The following FAM13A variants were observed in gnomAD, a reference collection of about 807,000 sequenced individuals.
The protein encoded by FAM13A is protein FAM13A.
In FAM13A, 76 loss-of-function variants were observed where a neutral mutation model predicts 129.6. That is an observed-to-expected ratio of 0.59 (90% CI 0.49 to 0.71). The LOEUF is 0.71. Ranked by LOEUF, FAM13A falls within the 30% of genes least tolerant of loss-of-function variation. The probability of loss-of-function intolerance (pLI) is 0.00; values close to 1 mark genes in which losing one functional copy is unlikely to be tolerated. For missense variants in FAM13A, 1,108 were observed against 1,249.3 expected, an observed-to-expected ratio of 0.89 and a Z score of 1.70; for synonymous variants, 443 against 449.9, an observed-to-expected ratio of 0.98 and a Z score of 0.20.
At chr4:89,052,793 G>A (rs1413184392) in intron 1 of FAM13A, among the ~76,000 whole-genome samples, 2 of 151,802 alleles carry the variant, frequency 1.3e-5, no homozygotes. Context: ...AAATCTTTAA[G>A]TTCTGCTTCC....
chr4:88,961,347 C>CTTTTTTTTTTTTT lies in FAM13A; in HGVS notation c.606-23119_606-23107dup, dbSNP rs773764813. ...AAATCCTCAGCTTTGTGGAATTTGC[C>CTTTTTTTTTTTTT]TTTTTTTTTTTTTTTTTTTTTTTTT... On this transcript the variant is annotated intron_variant, in intron 4 of 23. Coordinates refer to ENST00000264344, the MANE Select transcript of FAM13A (RefSeq NM_014883.4). Among the ~76,000 whole-genome samples the CTTTTTTTTTTTTT allele has an allele frequency of 7.2e-5, 4 of 55,424 alleles. 1 individual carries two copies. Among genetic ancestry groups the CTTTTTTTTTTTTT allele is most frequent in the Non-Finnish European group, 1.0e-4 (3 of 29,396 alleles). 36.4% of individuals were successfully genotyped at this position (55,424 alleles called of 152,430 possible).
intron 5 of FAM13A, among the ~76,000 whole-genome samples, chr4:88,927,352 A>G (rs1289826344): frequency 6.6e-6 from 1 of 151,534 alleles, no homozygotes; most frequent in Non-Finnish European, 1.5e-5. Flanking sequence ...TTTTTGGTGG[A>G]GCCTTTAGGG....
intron 1 of FAM13A, among the ~76,000 whole-genome samples, chr4:89,056,604 A>G (rs552299310): frequency 6.6e-6 from 1 of 152,328 alleles, no homozygotes; most frequent in South Asian, 2.1e-4. Context: ...GATTTCTCTA[A>G]TAGCTATAAT....
At chr4:88,986,869 C>T (rs1344905900) in intron 4 of FAM13A, among the ~76,000 whole-genome samples, 1 of 152,094 alleles carries the variant, frequency 6.6e-6, no homozygotes, top group Non-Finnish European at 1.5e-5. Flanking sequence ...TTATTTCTTC[C>T]ATTCAGTCAT....
Position 88,727,616 on chromosome 4 carries a change from T to C in FAM13A, c.*917A>G, listed in dbSNP as rs907238318. On this transcript the variant is annotated 3_prime_UTR_variant, in exon 24 of 24. Coordinates refer to ENST00000264344, the MANE Select transcript of FAM13A (RefSeq NM_014883.4). ...CCCCTTCTCTCCCCGATCCTCTGTA[T>C]GCAGGCTGACTTAAGCCCCTTTATG... 3.3e-5 allele frequency: 5 copies of C among 152,418 alleles called. No individual in the cohort carries two copies. The highest frequency in any genetic ancestry group is 1.2e-4 in the African/African-American group (5 of 41,436). The allele number at this position is 152,418 out of a possible 1,614,324, so 9.4% of individuals were successfully genotyped here.
chr4:89,035,783 CATGCTT>C (rs1769308777), intron 1 of FAM13A, among the ~76,000 whole-genome samples: 1 of 152,172 alleles, frequency 6.6e-6, no homozygotes. Context: ...CCATGTAAAA[CATGCTT>C]ATTTTTCCTT....
chr4:88,750,533 C>G lies in FAM13A; in HGVS notation c.1831G>C (p.Asp611His). 1 of 1,614,170 alleles carries G rather than the reference C, an allele frequency of 6.2e-7. No individual in the cohort carries two copies. Among genetic ancestry groups the G allele is most frequent in the Non-Finnish European group, 8.5e-7 (1 of 1,180,034 alleles). Residue 611 changes from aspartate (D) to histidine (H), a missense_variant, in exon 15 of 24, where the codon GAC (aspartate) becomes CAC (histidine). Transcript: ENST00000264344. Reference sequence around the variant, plus strand: ...CGAGGAGAGAGCATGGGGTCGCTGTCTTCGTCCAGCAGCTGACGGATCAGG... The same window carrying G: ...CGAGGAGAGAGCATGGGGTCGCTGTGTTCGTCCAGCAGCTGACGGATCAGG... ...GRLIRQLLDE[D>H]SDPMLSPRFY...
chr4:88,846,476 C>A (rs1002818329), intron 7 of FAM13A, among the ~76,000 whole-genome samples: 1 of 152,174 alleles, frequency 6.6e-6, no homozygotes. Flanking sequence ...ATTCCTGCCA[C>A]CATGCTCTGA....
chr4:88,913,557 G>A (rs1749567540), intron 5 of FAM13A, among the ~76,000 whole-genome samples: 1 of 151,932 alleles, frequency 6.6e-6, no homozygotes, highest in African/African-American at 2.4e-5. Flanking sequence ...GGAAGAGGAG[G>A]AGGAGGAAGA....
intron 4 of FAM13A, among the ~76,000 whole-genome samples, chr4:88,958,171 C>T (rs535492331): frequency 6.6e-6 from 1 of 152,268 alleles, no homozygotes; most frequent in Non-Finnish European, 1.5e-5. Flanking sequence ...AGCTAATAGC[C>T]GATACAATGA....
chr4:88,785,786 G>A (rs1368500030), intron 10 of FAM13A, among the ~76,000 whole-genome samples: 1 of 152,184 alleles, frequency 6.6e-6, no homozygotes, highest in Non-Finnish European at 1.5e-5. Context: ...AGAGCTAAGA[G>A]AAGCCGTTCA....
Position 89,042,382 on chromosome 4 carries a change from G to A in FAM13A, c.28-12733C>T, listed in dbSNP as rs116102238. Among the ~76,000 whole-genome samples, 377 of 152,270 alleles carry A rather than the reference G, an allele frequency of 2.5e-3. 1 individual carries two copies. Among genetic ancestry groups the A allele is most frequent in the African/African-American group, 8.6e-3 (357 of 41,560 alleles). On this transcript the variant is annotated intron_variant, in intron 1 of 23. Transcript: ENST00000264344. Reference sequence around the variant, plus strand: ...TCCCCAAATAGTGCTCTGTCAGAAAGTCAATTATTTACTGAATACGTTGTT... The same window carrying A: ...TCCCCAAATAGTGCTCTGTCAGAAAATCAATTATTTACTGAATACGTTGTT...
intron 3 of FAM13A, among the ~76,000 whole-genome samples, chr4:88,993,998 A>G (rs1489173570): frequency 6.6e-6 from 1 of 152,126 alleles, no homozygotes; most frequent in Non-Finnish European, 1.5e-5. Flanking sequence ...CTCAAAAAAA[A>G]AAAAAAATCA....
At chr4:88,948,185 G>C (rs1270201297) in intron 4 of FAM13A, among the ~76,000 whole-genome samples, 3 of 152,074 alleles carry the variant, frequency 2.0e-5, no homozygotes, top group Non-Finnish European at 4.4e-5. Context: ...AAGGGTTAAG[G>C]GATGTATTCA....
At chr4:89,002,252 A>C (rs1250031728) in intron 3 of FAM13A, among the ~76,000 whole-genome samples, 1 of 152,014 alleles carries the variant, frequency 6.6e-6, no homozygotes, top group South Asian at 2.1e-4. Flanking sequence ...AGTGGATGCA[A>C]GTGACTGGAA....
chr4:88,937,911 G>A (rs1223932623), intron 5 of FAM13A, 177 bp downstream of exon 5: 5 of 571,624 alleles, frequency 8.7e-6, no homozygotes, highest in Non-Finnish European at 1.5e-5. Flanking sequence ...AATTTTAGAA[G>A]GCTATATTTC....
chr4:88,748,723 C>T (rs28673752), intron 17 of FAM13A, among the ~76,000 whole-genome samples: 39,791 of 152,088 alleles, frequency 0.26, 6,308 homozygotes, highest in African/African-American at 0.45. Context: ...ATTAGTGATC[C>T]AGGGAAATGA....
At position 88,991,150 on chromosome 4, in the gene FAM13A, T is replaced by C. The variant is rs760379601; in HGVS notation, c.428A>G (p.Asp143Gly). 10 of 1,603,428 alleles carry C rather than the reference T, an allele frequency of 6.2e-6. No homozygotes were observed. In the African/African-American group the frequency reaches 9.5e-5, roughly 15 times the overall value. Residue 143 changes from aspartate (D) to glycine (G), a missense_variant and splice_region_variant, in exon 4 of 24, where the codon GAT becomes GGT. Around this residue, in one of 3 missense-constraint regions of FAM13A, gnomAD observed 566 missense variants for 595.7 expected, o/e 0.95. Transcript: ENST00000264344. Reference protein sequence around the residue: ...LQPRFIQLFQDGRNDVQESSL... With the variant: ...LQPRFIQLFQGGRNDVQESSL... ...ACTCTCCTGAACATCATTTCTGCCATCTGGAAAAAAAAAGAATAAAAATGT... is the reference window on the plus strand; with the variant it reads ...ACTCTCCTGAACATCATTTCTGCCACCTGGAAAAAAAAAGAATAAAAATGT...
chr4:88,990,152 C>T (rs375002292), intron 4 of FAM13A: 52 of 152,236 alleles, frequency 3.4e-4, no homozygotes, highest in African/African-American at 1.2e-3. Flanking sequence ...TGACCTGGAA[C>T]CCTGTAGTCA....
Sources: gnomAD v4.1 joint callset for allele counts (sites outside exome capture counted in the v4.1 genomes callset) on GRCh38, gnomAD v4.1.1 for gene constraint, gnomAD v4.1.1 regional missense constraint, MANE v1.5 for transcripts, NCBI Gene and HGNC (gene_info 2026-07-23, HGNC 2026-07-21) for gene names.